The following NBAS variants were observed in gnomAD, a reference collection of about 807,000 sequenced individuals.
NBAS encodes NBAS subunit of NRZ tethering complex.
A neutral mutation model predicts 302.5 loss-of-function variants in NBAS; 219 were observed. The observed-to-expected ratio is 0.72, with a 90% confidence interval of 0.65 to 0.81. The LOEUF (loss-of-function observed/expected upper bound fraction) is 0.81. Ranked by LOEUF, NBAS falls within the 30% of genes least tolerant of loss-of-function variation. The pLI is 0.00. For missense variants in NBAS, 2,932 were observed against 2,841.6 expected, an observed-to-expected ratio of 1.03 and a Z score of -0.72; for synonymous variants, 1,118 against 1,021.6, an observed-to-expected ratio of 1.09 and a Z score of -1.80.
At chr2:15,135,967 G>T in the NBAS span, among the ~76,000 whole-genome samples, 1 of 152,192 alleles carries the variant, frequency 6.6e-6, no homozygotes, top group South Asian at 2.1e-4. Flanking sequence ...TCCTGGGCTG[G>T]GCTGTGGGTT....
chr2:14,895,549 T>C, the NBAS span, among the ~76,000 whole-genome samples: 1 of 152,066 alleles, frequency 6.6e-6, no homozygotes, highest in African/African-American at 2.4e-5. Context: ...CCATCCTGGC[T>C]AACACGGTGA....
chr2:14,786,985 G>A, the NBAS span, among the ~76,000 whole-genome samples: 1 of 152,156 alleles, frequency 6.6e-6, no homozygotes, highest in Non-Finnish European at 1.5e-5. Flanking sequence ...CTCAGGACTT[G>A]CTTTATGAAT....
chr2:14,967,523 A>G, the NBAS span, among the ~76,000 whole-genome samples: 6 of 152,222 alleles, frequency 3.9e-5, no homozygotes, highest in African/African-American at 1.4e-4. Flanking sequence ...AAGGTACAAG[A>G]GCACCTCAGT....
At chr2:15,522,013 G>A (rs1489745269) in intron 9 of NBAS, among the ~76,000 whole-genome samples, 12 of 152,132 alleles carry the variant, frequency 7.9e-5, no homozygotes, top group Non-Finnish European at 1.6e-4. Context: ...ACATGAGAGG[G>A]TGTAATAGGA....
chr2:14,984,039 C>A, the NBAS span, among the ~76,000 whole-genome samples: 31 of 152,138 alleles, frequency 2.0e-4, no homozygotes, highest in African/African-American at 7.5e-4. Flanking sequence ...TTAAAAAATG[C>A]AATTTCAGAA....
At chr2:15,503,006 C>T (rs1235115236) in intron 11 of NBAS, among the ~76,000 whole-genome samples, 2 of 152,068 alleles carry the variant, frequency 1.3e-5, no homozygotes, top group Non-Finnish European at 2.9e-5. Flanking sequence ...TTATTTTATG[C>T]TTTTACTTTT....
intron 47 of NBAS, among the ~76,000 whole-genome samples, chr2:15,219,320 T>C (rs1271129746): frequency 6.6e-6 from 1 of 150,734 alleles, no homozygotes; most frequent in Non-Finnish European, 1.5e-5. Context: ...TTTTTTCTTT[T>C]CTTTTTTTTT....
the NBAS span, among the ~76,000 whole-genome samples, chr2:15,037,200 G>A: frequency 2.1e-4 from 32 of 152,216 alleles, 1 homozygote; most frequent in Admixed American, 8.5e-4. Flanking sequence ...AAGTTTCTGG[G>A]GCCCTGCTGT....
intron 45 of NBAS, among the ~76,000 whole-genome samples, chr2:15,237,771 A>ATTTTTT (rs765648566): frequency 4.5e-5 from 3 of 66,556 alleles, no homozygotes; most frequent in East Asian, 3.6e-4. Context: ...TAATGTTTGT[A>ATTTTTT]TTTTTTTTTT....
chr2:15,547,170 A>G (rs1414940890), intron 6 of NBAS, among the ~76,000 whole-genome samples: 1 of 152,242 alleles, frequency 6.6e-6, no homozygotes, highest in Non-Finnish European at 1.5e-5. Flanking sequence ...AATGGCATGT[A>G]TTTTATAAAA....
the NBAS span, among the ~76,000 whole-genome samples, chr2:15,017,574 T>A: frequency 5.9e-5 from 9 of 151,806 alleles, no homozygotes; most frequent in East Asian, 1.7e-3. Context: ...TTAAGAAACA[T>A]CACTAATTAT....
the NBAS span, among the ~76,000 whole-genome samples, chr2:15,115,794 G>A: frequency 1.3e-5 from 2 of 152,096 alleles, no homozygotes; most frequent in Non-Finnish European, 2.9e-5. Flanking sequence ...TTACAGGTGT[G>A]AGTCACCATG....
the NBAS span, among the ~76,000 whole-genome samples, chr2:14,817,949 T>C: frequency 6.6e-6 from 1 of 152,070 alleles, no homozygotes; most frequent in Admixed American, 6.5e-5. Context: ...AGGTTCGCTA[T>C]TCTCCAGGAT....
At chr2:15,435,184 G>A (rs932358761) in intron 21 of NBAS, among the ~76,000 whole-genome samples, 3 of 152,160 alleles carry the variant, frequency 2.0e-5, no homozygotes, top group African/African-American at 7.2e-5. Context: ...AGTGCTAATG[G>A]ATTTTGAATA....
At chr2:15,090,338 G>A in the NBAS span, among the ~76,000 whole-genome samples, 45 of 152,266 alleles carry the variant, frequency 3.0e-4, no homozygotes, top group African/African-American at 1.0e-3. Context: ...CTCAGCTGTG[G>A]CTTTCATTGA....
chr2:15,061,804 T>C, the NBAS span, among the ~76,000 whole-genome samples: 1 of 152,380 alleles, frequency 6.6e-6, no homozygotes, highest in Non-Finnish European at 1.5e-5. Context: ...CCTTCTTGAA[T>C]ACATGGCTAA....
At chr2:15,359,973 G>T (rs1254222927) in intron 32 of NBAS, among the ~76,000 whole-genome samples, 1 of 152,102 alleles carries the variant, frequency 6.6e-6, no homozygotes, top group Non-Finnish European at 1.5e-5. Flanking sequence ...TATATATATG[G>T]TATAGCTCCT....
At chr2:14,856,906 AT>A in the NBAS span, among the ~76,000 whole-genome samples, 4 of 152,240 alleles carry the variant, frequency 2.6e-5, no homozygotes, top group African/African-American at 4.8e-5. Context: ...TGATGATATG[AT>A]TTGATATTTT....
At chr2:15,284,952 C>T (rs563732073) in intron 42 of NBAS, among the ~76,000 whole-genome samples, 60 of 152,208 alleles carry the variant, frequency 3.9e-4, no homozygotes, top group Non-Finnish European at 7.9e-4. Context: ...GCACATCACT[C>T]GATTGCCTGA....
Sources: allele counts gnomAD v4.1 joint callset (sites outside exome capture counted in the v4.1 genomes callset), GRCh38; gene constraint gnomAD v4.1.1; transcripts MANE v1.5; gene names NCBI Gene and HGNC (gene_info 2026-07-23, HGNC 2026-07-21).